Variants in MCC observed in about 807,000 individuals in gnomAD.
The protein encoded by MCC is MCC regulator of Wnt signaling pathway.
Under a neutral mutation model 116.2 loss-of-function variants are expected in MCC, and 90 were observed. The ratio of observed to expected loss-of-function variants is 0.77; its 90% CI spans 0.65 to 0.92. MCC has a LOEUF of 0.92. Ranked by LOEUF, MCC falls within the 40% of genes least tolerant of loss-of-function variation. MCC has a pLI of 0.00. For synonymous variants in MCC, 578 were observed against 510.5 expected, an observed-to-expected ratio of 1.13 and a Z score of -1.78; for missense variants, 1,516 against 1,312.2, an observed-to-expected ratio of 1.16 and a Z score of -2.40.
intron 2 of MCC, among the ~76,000 whole-genome samples, chr5:113,357,572 G>A (rs1327904773): frequency 6.6e-6 from 1 of 152,152 alleles, no homozygotes; most frequent in African/African-American, 2.4e-5. Flanking sequence ...TCTCCCAATA[G>A]ACAGAAAAAA....
At position 113,022,518 on chromosome 5, in the gene MCC, AAAG is replaced by A. The variant is rs1300302759; in HGVS notation, c.*4781_*4783del. The A allele has an allele frequency of 4.6e-5, 7 of 152,532 alleles. No homozygotes were observed. The highest frequency in any genetic ancestry group is 9.6e-5 in the African/African-American group (4 of 41,470). 9.4% of individuals were successfully genotyped at this position (152,532 alleles called of 1,614,324 possible). On this transcript the variant is annotated 3_prime_UTR_variant, in exon 19 of 19. Coordinates refer to ENST00000408903, the MANE Select transcript of MCC (RefSeq NM_001085377.2). Reference sequence around the variant, plus strand: ...TGTCTAAAAACTGATTAGAACTAGAAAAGAAGTGGACATGTTTTATTATCTTTG... The same window carrying A: ...TGTCTAAAAACTGATTAGAACTAGAAAAGTGGACATGTTTTATTATCTTTG...
intron 2 of MCC, among the ~76,000 whole-genome samples, chr5:113,352,318 T>C (rs1428687772): frequency 1.3e-5 from 2 of 152,200 alleles, no homozygotes; most frequent in African/African-American, 4.8e-5. Context: ...TGATGGCTCA[T>C]ATGCAGCCTC....
At chr5:113,240,335 T>G (rs549726106) in intron 3 of MCC, among the ~76,000 whole-genome samples, 1 of 152,272 alleles carries the variant, frequency 6.6e-6, no homozygotes, top group East Asian at 1.9e-4. Context: ...CTAATATTAT[T>G]ATTATTTAAA....
intron 2 of MCC, among the ~76,000 whole-genome samples, chr5:113,372,607 A>T (rs59379206): frequency 0.036 from 5,513 of 152,296 alleles, 342 homozygotes; most frequent in African/African-American, 0.13. Context: ...CCACAAATAG[A>T]ATATAACATC....
chr5:113,302,586 G>T lies in MCC; in HGVS notation c.627+37933C>A, dbSNP rs368746334. 3.9e-5 allele frequency among the ~76,000 whole-genome samples: 6 copies of T among 152,218 alleles called. No individual in the cohort carries two copies. The East Asian group carries it at 1.2e-3, about 29-fold the overall frequency. ...TCTTGTGGTTACATTTAAAGAAAAA[G>T]AATCCTGTATTTTAGAGATATATTA... is the stretch of plus-strand genomic sequence containing the variant. On this transcript the variant is annotated intron_variant, in intron 3 of 18. Coordinates refer to ENST00000408903, the MANE Select transcript of MCC (RefSeq NM_001085377.2).
At chr5:113,054,250 T>C (rs899451492) in intron 14 of MCC, among the ~76,000 whole-genome samples, 9 of 152,146 alleles carry the variant, frequency 5.9e-5, no homozygotes, top group African/African-American at 1.7e-4. Flanking sequence ...CAAAGGAACA[T>C]AATCTAAAAT....
chr5:113,434,750 G>A lies in MCC; in HGVS notation c.171-49538C>T, dbSNP rs753377899. 20 of 1,613,988 alleles carry A rather than the reference G, an allele frequency of 1.2e-5. No homozygotes were observed. In the South Asian group the frequency reaches 2.1e-4, roughly 17 times the overall value. ...CCACATTGAACTTCAGGCGCTCAGAGTAAGCAGATTTTACTTTTGCATAGG... is the reference window on the plus strand; with the variant it reads ...CCACATTGAACTTCAGGCGCTCAGAATAAGCAGATTTTACTTTTGCATAGG... On this transcript the variant is annotated intron_variant, in intron 1 of 18. Transcript: ENST00000408903. The surrounding 1 kb of genome is among the most constrained non-coding windows in gnomAD (Gnocchi z 4.2).
intron 2 of MCC, among the ~76,000 whole-genome samples, chr5:113,377,694 C>A (rs981204270): frequency 6.6e-6 from 1 of 152,116 alleles, no homozygotes; most frequent in East Asian, 1.9e-4. Context: ...TAAAAAGAGA[C>A]AAAAATTAAC....
intron 17 of MCC, among the ~76,000 whole-genome samples, chr5:113,034,087 T>A (rs1338388763): frequency 7.1e-6 from 1 of 140,296 alleles, no homozygotes; most frequent in Non-Finnish European, 1.5e-5. Flanking sequence ...TTTGTAGAGA[T>A]AGGGTCTTAA....
rs1269480127 is a variant in MCC at position 113,488,384 on chromosome 5, C to T, written c.31G>A (p.Gly11Arg). 7.0e-7 allele frequency: 1 copy of T among 1,431,132 alleles called. No individual in the cohort carries two copies. The highest frequency in any genetic ancestry group is 3.4e-5 in the Admixed American group (1 of 29,188). The allele number at this position is 1,431,132 out of a possible 1,614,324, so 88.7% of individuals were successfully genotyped here. A position where few individuals can be genotyped will look rare whatever the true frequency, so the allele number is the denominator to read the frequency against. The change falls in exon 1 of 19, where the codon GGG (glycine) becomes AGG (arginine). Residue 11 changes from glycine (G) to arginine (R), a missense_variant. Coordinates refer to ENST00000408903, the MANE Select transcript of MCC (RefSeq NM_001085377.2). MMAAAAAAAA[G>R]SSSSGGGGGG... Reference sequence around the variant, plus strand: ...CCGCCGCCGCCGCTGCTGGAGCTCCCCGCAGCCGCTGCCGCCGCGGCCGCC... The same window carrying T: ...CCGCCGCCGCCGCTGCTGGAGCTCCTCGCAGCCGCTGCCGCCGCGGCCGCC...
At chr5:113,424,354 C>T (rs1261421851) in intron 1 of MCC, among the ~76,000 whole-genome samples, 1 of 151,942 alleles carries the variant, frequency 6.6e-6, no homozygotes, top group Non-Finnish European at 1.5e-5. Context: ...TTCCAAAAAC[C>T]TATCATGGAC....
chr5:113,308,686 G>A (rs146716672), intron 3 of MCC, among the ~76,000 whole-genome samples: 19 of 152,010 alleles, frequency 1.2e-4, no homozygotes, highest in Non-Finnish European at 1.8e-4. Flanking sequence ...AATTATCCAG[G>A]CCTGGTCCCA....
At position 113,101,751 on chromosome 5, in the gene MCC, C is replaced by A; in HGVS notation, c.1386G>T (p.Arg462=). The change falls in exon 8 of 19, where the codon CGG becomes CGT. Residue 462 remains arginine, a synonymous_variant. Transcript: ENST00000408903. ...TMNAIREERD[R]LRRRVRELQT... ...GCAGCATGCTCACCCTCCTCCGGAG[C>A]CGGTCCCGCTCTTCCCGGATGGCAT... The A allele has an allele frequency of 1.2e-6, 2 of 1,613,272 alleles. No individual in the cohort carries two copies. Among genetic ancestry groups the A allele is most frequent in the Non-Finnish European group, 8.5e-7 (1 of 1,180,032 alleles).
rs192182151 is a variant in MCC at position 113,420,076 on chromosome 5, T to C, written c.171-34864A>G. ...AAAGAAAAGAAAAAAAGGTGAAATA[T>C]GTTATATGAATTATATCTCAATTGA... On this transcript the variant is annotated intron_variant, in intron 1 of 18. Coordinates refer to ENST00000408903, the MANE Select transcript of MCC (RefSeq NM_001085377.2). 2.0e-3 allele frequency among the ~76,000 whole-genome samples: 299 copies of C among 150,718 alleles called. 1 individual carries two copies. The highest frequency in any genetic ancestry group is 6.8e-3 in the African/African-American group (282 of 41,338).
At chr5:113,065,213 C>G (rs1003900105) in intron 13 of MCC, among the ~76,000 whole-genome samples, 1 of 152,148 alleles carries the variant, frequency 6.6e-6, no homozygotes, top group Non-Finnish European at 1.5e-5. Flanking sequence ...TGATGTGTCA[C>G]TGTAGGTTCA....
rs1750459050 is a variant in MCC at position 113,025,290 on chromosome 5, C to T, written c.*2012G>A. 4 of 150,780 alleles carry T rather than the reference C, an allele frequency of 2.7e-5. 1 individual carries two copies. The Middle Eastern group carries it at 0.014, about 513-fold the overall frequency. 9.3% of individuals were successfully genotyped at this position (150,780 alleles called of 1,614,324 possible). ...TGTTTTTCAGCCAAAACATTTTCCT[C>T]ATGATAAAATGCAACTTTATATGAA... On this transcript the variant is annotated 3_prime_UTR_variant, in exon 19 of 19. Coordinates refer to ENST00000408903, the MANE Select transcript of MCC (RefSeq NM_001085377.2).
At position 113,188,067 on chromosome 5, in the gene MCC, T is replaced by G. The variant is rs1022276432; in HGVS notation, c.628-36645A>C. 1.1e-4 allele frequency among the ~76,000 whole-genome samples: 16 copies of G among 151,952 alleles called. 2 individuals carry two copies. Among genetic ancestry groups the G allele is most frequent in the Admixed American group, 2.0e-4 (3 of 15,266 alleles). On this transcript the variant is annotated intron_variant, in intron 3 of 18. Transcript: ENST00000408903. ...AAATGAGCCTCTCTCACTCCCGGGGTTTTTGAAAAGGGGATGTAAAAGAGG... is the reference window on the plus strand; with the variant it reads ...AAATGAGCCTCTCTCACTCCCGGGGGTTTTGAAAAGGGGATGTAAAAGAGG...
chr5:113,469,488 C>T (rs188093089), intron 1 of MCC, among the ~76,000 whole-genome samples: 25 of 152,038 alleles, frequency 1.6e-4, no homozygotes, highest in Admixed American at 1.2e-3. Flanking sequence ...TGTAGTTGTG[C>T]GGTTTTGAGT....
At chr5:113,380,185 A>C (rs1769082966) in intron 2 of MCC, among the ~76,000 whole-genome samples, 1 of 152,192 alleles carries the variant, frequency 6.6e-6, no homozygotes, top group African/African-American at 2.4e-5. Flanking sequence ...CTGGCACTTA[A>C]CTATTAAACC....
Sources: allele counts gnomAD v4.1 joint callset (sites outside exome capture counted in the v4.1 genomes callset), GRCh38; gene constraint gnomAD v4.1.1; non-coding constraint Gnocchi (gnomAD v3.1); transcripts MANE v1.5; gene names NCBI Gene and HGNC (gene_info 2026-07-23, HGNC 2026-07-21).